PCCA: variants seen among roughly 807,000 people sequenced by gnomAD.
PCCA encodes the protein propionyl-CoA carboxylase subunit alpha, also known as propionyl-CoA carboxylase alpha chain, mitochondrial.
PCCA carries 74 observed loss-of-function variants against 101.3 expected under a neutral mutation model. The ratio of observed to expected loss-of-function variants is 0.73; its 90% CI spans 0.61 to 0.89. The LOEUF is 0.89. Ranked by LOEUF, PCCA falls within the 40% of genes least tolerant of loss-of-function variation. The pLI, the probability that PCCA is intolerant of heterozygous loss-of-function variation, is 0.00. For synonymous variants in PCCA, 294 were observed against 313.6 expected, an observed-to-expected ratio of 0.94 and a Z score of 0.66; for missense variants, 891 against 907.0, an observed-to-expected ratio of 0.98 and a Z score of 0.23.
intron 4 of PCCA, among the ~76,000 whole-genome samples, chr13:100,117,884 A>C (rs1331846367): frequency 6.6e-6 from 1 of 152,112 alleles, no homozygotes; most frequent in Non-Finnish European, 1.5e-5. Context: ...TGGGAGGCTG[A>C]GGCGGGCAGA....
intron 18 of PCCA, among the ~76,000 whole-genome samples, chr13:100,349,291 T>A (rs1009969953): frequency 1.3e-5 from 2 of 152,066 alleles, no homozygotes; most frequent in Admixed American, 6.5e-5. Flanking sequence ...GCCTGGCTAA[T>A]TTTTTTTGTA....
At chr13:100,286,030 A>G (rs1188125834) in intron 12 of PCCA, among the ~76,000 whole-genome samples, 1 of 152,060 alleles carries the variant, frequency 6.6e-6, no homozygotes, top group African/African-American at 2.4e-5. Context: ...TACAAGCTCT[A>G]ATTTTAATAG....
chr13:100,253,777 G>C (rs992952575), intron 8 of PCCA, among the ~76,000 whole-genome samples: 3 of 151,954 alleles, frequency 2.0e-5, no homozygotes, highest in African/African-American at 7.3e-5. Context: ...TCTGGGGTGA[G>C]GTAAGGTAGT....
chr13:100,501,039 G>A (rs2085628470), intron 21 of PCCA, among the ~76,000 whole-genome samples: 2 of 152,086 alleles, frequency 1.3e-5, no homozygotes, highest in African/African-American at 4.8e-5. Flanking sequence ...CTACTCGGGA[G>A]GCTGAGGCAG....
At chr13:100,219,357 C>T (rs2059688817) in intron 7 of PCCA, among the ~76,000 whole-genome samples, 1 of 152,074 alleles carries the variant, frequency 6.6e-6, no homozygotes, top group African/African-American at 2.4e-5. Flanking sequence ...TTATTTCTGG[C>T]TTGATGATGA....
intron 20 of PCCA, among the ~76,000 whole-genome samples, chr13:100,438,294 G>A (rs982320272): frequency 1.3e-5 from 2 of 151,896 alleles, no homozygotes; most frequent in African/African-American, 4.8e-5. Context: ...AGGTGGGACT[G>A]CAGGCCTGTG....
intron 7 of PCCA, among the ~76,000 whole-genome samples, chr13:100,225,615 G>A (rs945038153): frequency 3.3e-5 from 5 of 152,156 alleles, no homozygotes; most frequent in African/African-American, 1.2e-4. Context: ...GAGACAAGCT[G>A]TGTCTCAGCA....
At chr13:100,279,434 T>G (rs759756114) in intron 12 of PCCA, among the ~76,000 whole-genome samples, 10 of 152,318 alleles carry the variant, frequency 6.6e-5, no homozygotes, top group Admixed American at 1.3e-4. Flanking sequence ...AGAAAACTAT[T>G]CTTACATATT....
intron 8 of PCCA, among the ~76,000 whole-genome samples, chr13:100,251,862 C>G (rs2061771285): frequency 6.6e-6 from 1 of 152,160 alleles, no homozygotes. Flanking sequence ...AGTGAATAAT[C>G]AGGTATATTC....
At chr13:100,410,275 G>A (rs1368456682) in intron 19 of PCCA, among the ~76,000 whole-genome samples, 6 of 151,676 alleles carry the variant, frequency 4.0e-5, no homozygotes, top group East Asian at 2.0e-4. Context: ...ACGGAGTCTC[G>A]CTCTGTCCCC....
At chr13:100,380,874 G>C (rs1175611065) in intron 19 of PCCA, among the ~76,000 whole-genome samples, 1 of 152,074 alleles carries the variant, frequency 6.6e-6, no homozygotes, top group Non-Finnish European at 1.5e-5. Context: ...AATACATAAA[G>C]AACACTTACA....
intron 8 of PCCA, among the ~76,000 whole-genome samples, chr13:100,238,291 G>C (rs1037057187): frequency 4.6e-5 from 7 of 152,076 alleles, no homozygotes; most frequent in East Asian, 1.9e-4. Context: ...AGCTCATCAT[G>C]ATGGGCCTCT....
At chr13:100,273,559 C>T (rs556177218) in intron 12 of PCCA, among the ~76,000 whole-genome samples, 1 of 152,282 alleles carries the variant, frequency 6.6e-6, no homozygotes, top group East Asian at 1.9e-4. Context: ...ACTGTTAATA[C>T]TTTATGTTGG....
chr13:100,422,148 T>C (rs1330852487), intron 19 of PCCA, among the ~76,000 whole-genome samples: 39 of 135,980 alleles, frequency 2.9e-4, no homozygotes, highest in African/African-American at 1.1e-3. Context: ...TTTTTTTTTT[T>C]TTTTGACAGC....
At chr13:100,332,159 C>T (rs116120933) in intron 17 of PCCA, among the ~76,000 whole-genome samples, 2,592 of 152,102 alleles carry the variant, frequency 0.017, 93 homozygotes, top group African/African-American at 0.059. Flanking sequence ...GGCTTGAACT[C>T]GAACTCTTGA....
intron 12 of PCCA, among the ~76,000 whole-genome samples, chr13:100,278,921 A>G (rs1013746341): frequency 1.3e-5 from 2 of 152,246 alleles, no homozygotes; most frequent in African/African-American, 2.4e-5. Flanking sequence ...AAAAAAATCA[A>G]ATTCACAAAG....
At chr13:100,110,692 A>G (rs967979488) in intron 2 of PCCA, among the ~76,000 whole-genome samples, 2 of 152,246 alleles carry the variant, frequency 1.3e-5, no homozygotes, top group East Asian at 3.8e-4. Flanking sequence ...TAGCAGATAA[A>G]TTATACTTAC....
At chr13:100,350,918 G>A (rs927991331) in intron 18 of PCCA, among the ~76,000 whole-genome samples, 1 of 152,160 alleles carries the variant, frequency 6.6e-6, no homozygotes, top group Non-Finnish European at 1.5e-5. Flanking sequence ...TGTTCAATGT[G>A]AAACATTTTA....
chr13:100,180,049 G>A (rs2056648540), intron 6 of PCCA, among the ~76,000 whole-genome samples: 1 of 152,110 alleles, frequency 6.6e-6, no homozygotes, highest in Non-Finnish European at 1.5e-5. Flanking sequence ...ATCAGTTAGG[G>A]TCATTCTAAG....
Sources: gnomAD v4.1 joint callset for allele counts (sites outside exome capture counted in the v4.1 genomes callset) on GRCh38, gnomAD v4.1.1 for gene constraint, MANE v1.5 for transcripts, NCBI Gene and HGNC (gene_info 2026-07-23, HGNC 2026-07-21) for gene names.